Variants in BCAS3 observed in about 807,000 individuals in gnomAD.
BCAS3 encodes the protein BCAS4/BCAS3 fusion.
In BCAS3, 53 loss-of-function variants were observed where a neutral mutation model predicts 116.1. The observed-to-expected ratio is 0.46, with a 90% CI of 0.37 to 0.57. The LOEUF (loss-of-function observed/expected upper bound fraction) is 0.57, where lower values mean the gene tolerates loss of function less well. BCAS3 is among the 20% of genes least tolerant of loss of function. The pLI, the probability that BCAS3 is intolerant of heterozygous loss-of-function variation, is 0.00. For synonymous variants in BCAS3, 391 were observed against 408.2 expected (o/e 0.96, Z 0.51); for missense variants, 917 against 1,165.4 (o/e 0.79, Z 3.10).
At chr17:61,080,061 C>T (rs1047072697) in intron 21 of BCAS3, among the ~76,000 whole-genome samples, 21 of 151,112 alleles carry the variant, frequency 1.4e-4, no homozygotes, top group Admixed American at 1.2e-3. Flanking sequence ...TGTGGCACCA[C>T]GCCTCCCTAG....
intron 23 of BCAS3, among the ~76,000 whole-genome samples, chr17:61,385,549 G>C (rs758954383): frequency 1.3e-5 from 2 of 152,292 alleles, no homozygotes; most frequent in Non-Finnish European, 2.9e-5. Context: ...CCCCTACTAC[G>C]TACCTCACTG....
At position 61,313,178 on chromosome 17, in the gene BCAS3, G is replaced by T. The variant is rs2054459662; in HGVS notation, c.2426-55149G>T. On this transcript the variant is annotated intron_variant, in intron 22 of 23. Transcript: ENST00000407086. This position sits in a 1 kb window ranked among gnomAD's most constrained non-coding sequence, Gnocchi z 4.3. ...TTTGGATTCATGGCAATTACTGCCAGGTAGAGAAAGCGAATGCTGTTATTT... is the reference window on the plus strand; with the variant it reads ...TTTGGATTCATGGCAATTACTGCCATGTAGAGAAAGCGAATGCTGTTATTT... Among the ~76,000 whole-genome samples the T allele has an allele frequency of 6.6e-6, 1 of 152,194 alleles. No individual in the cohort carries two copies. The highest frequency in any genetic ancestry group is 1.5e-5 in the Non-Finnish European group (1 of 68,038).
intron 14 of BCAS3, among the ~76,000 whole-genome samples, chr17:60,951,336 A>T (rs537218226): frequency 6.6e-6 from 1 of 152,092 alleles, no homozygotes. Context: ...TTTTATTTTG[A>T]CTTCATTGTT....
At position 61,023,943 on chromosome 17, in the gene BCAS3, C is replaced by T. The variant is rs965485010; in HGVS notation, c.1637+8042C>T. Among the ~76,000 whole-genome samples, 2 of 152,014 alleles carry T rather than the reference C, an allele frequency of 1.3e-5. No individual in the cohort carries two copies. The highest frequency in any genetic ancestry group is 4.8e-5 in the African/African-American group (2 of 41,388). ...TGGTGATTGGAAAACACCAATTATT[C>T]GAGTTTGAATATAGTAATTTGGGTT... On this transcript the variant is annotated intron_variant, in intron 16 of 23. Coordinates refer to ENST00000407086, the MANE Select transcript of BCAS3 (RefSeq NM_017679.5). The surrounding 1 kb of genome is among the most constrained non-coding windows in gnomAD (Gnocchi z 4.8).
intron 6 of BCAS3, among the ~76,000 whole-genome samples, chr17:60,758,524 G>GCTCC (rs2043207889): frequency 6.6e-6 from 1 of 152,026 alleles, no homozygotes; most frequent in African/African-American, 2.4e-5. Flanking sequence ...GGGATTACAG[G>GCTCC]CTCCCACCAC....
intron 12 of BCAS3, among the ~76,000 whole-genome samples, chr17:60,923,284 A>T (rs2059200282): frequency 6.6e-6 from 1 of 152,242 alleles, no homozygotes; most frequent in Non-Finnish European, 1.5e-5. Flanking sequence ...GATATTGTAT[A>T]GCATGATTGA....
intron 13 of BCAS3, among the ~76,000 whole-genome samples, chr17:60,933,166 CAAAAA>C (rs1454365250): frequency 7.1e-6 from 1 of 141,666 alleles, no homozygotes; most frequent in Non-Finnish European, 1.5e-5. Context: ...GACTCCGTCT[CAAAAA>C]GAAAAAAAAA....
chr17:61,015,997 G>A (rs2065427996), intron 16 of BCAS3, 96 bp downstream of exon 16: 1 of 1,301,280 alleles, frequency 7.7e-7, no homozygotes, highest in Non-Finnish European at 1.1e-6. Context: ...TTTTTATTAT[G>A]TTCTTCATTT....
intron 15 of BCAS3, among the ~76,000 whole-genome samples, chr17:60,997,951 T>C (rs1409354705): frequency 6.6e-6 from 1 of 152,176 alleles, no homozygotes; most frequent in African/African-American, 2.4e-5. Context: ...GTCACCCACA[T>C]AGTGAACATA....
intron 5 of BCAS3, among the ~76,000 whole-genome samples, chr17:60,714,560 G>GGA (rs2038334769): frequency 6.6e-6 from 1 of 152,118 alleles, no homozygotes; most frequent in African/African-American, 2.4e-5. Context: ...GGCTGAGGCA[G>GGA]GAGAATTGCT....
chr17:60,891,595 G>A (rs1336303174), intron 10 of BCAS3: 6 of 435,104 alleles, frequency 1.4e-5, no homozygotes, highest in Non-Finnish European at 1.8e-5. Context: ...AAATTTTGGG[G>A]TACCAGTCTC....
intron 6 of BCAS3, among the ~76,000 whole-genome samples, chr17:60,761,651 T>A (rs372213032): frequency 3.3e-5 from 5 of 152,306 alleles, no homozygotes; most frequent in African/African-American, 9.6e-5. Flanking sequence ...TTGTGAGTAG[T>A]GCCGCAATAA....
chr17:60,955,545 A>AT (rs977738795), intron 14 of BCAS3, among the ~76,000 whole-genome samples: 15 of 150,636 alleles, frequency 1.0e-4, no homozygotes, highest in Non-Finnish European at 1.8e-4. Flanking sequence ...AGCCCAGCTA[A>AT]TTTTTTTTTG....
intron 7 of BCAS3, among the ~76,000 whole-genome samples, chr17:60,856,408 G>T (rs892989358): frequency 6.6e-6 from 1 of 152,102 alleles, no homozygotes; most frequent in African/African-American, 2.4e-5. Flanking sequence ...ATAGATGGAG[G>T]CTGGGTGTGG....
At chr17:60,686,158 G>A (rs2034008336) in intron 3 of BCAS3, among the ~76,000 whole-genome samples, 1 of 152,116 alleles carries the variant, frequency 6.6e-6, no homozygotes, top group Admixed American at 6.6e-5. Context: ...GTGAGCCACC[G>A]CACCCGGCCT....
At chr17:60,959,348 A>G (rs1202550333) in intron 14 of BCAS3, among the ~76,000 whole-genome samples, 2 of 151,992 alleles carry the variant, frequency 1.3e-5, no homozygotes, top group Non-Finnish European at 2.9e-5. Flanking sequence ...TGCTTTGCAA[A>G]ATTTTCTATT....
At chr17:61,133,380 G>A (rs984035229) in intron 22 of BCAS3, among the ~76,000 whole-genome samples, 2 of 152,116 alleles carry the variant, frequency 1.3e-5, no homozygotes, top group Admixed American at 6.5e-5. Flanking sequence ...TCTGAGTTAG[G>A]CTAACTGATG....
At position 61,364,279 on chromosome 17, in the gene BCAS3, C is replaced by T. The variant is rs1054362744; in HGVS notation, c.2426-4048C>T. On this transcript the variant is annotated intron_variant, in intron 22 of 23. Coordinates refer to ENST00000407086, the MANE Select transcript of BCAS3 (RefSeq NM_017679.5). This position sits in a 1 kb window ranked among gnomAD's most constrained non-coding sequence, Gnocchi z 5.4. ...ATTGTGTTTCTCCTGTGTGCCATCC[C>T]GTAAACATGGTGACTCATCGTCACC... 3.9e-5 allele frequency among the ~76,000 whole-genome samples: 6 copies of T among 152,180 alleles called. No individual in the cohort carries two copies. The highest frequency in any genetic ancestry group is 5.9e-5 in the Non-Finnish European group (4 of 68,040).
At chr17:60,874,353 T>A (rs1462764922) in intron 8 of BCAS3, among the ~76,000 whole-genome samples, 1 of 152,252 alleles carries the variant, frequency 6.6e-6, no homozygotes, top group African/African-American at 2.4e-5. Context: ...ATTGTAGGCA[T>A]GAGCCACCAT....
Sources: allele counts gnomAD v4.1 joint callset (sites outside exome capture counted in the v4.1 genomes callset), GRCh38; gene constraint gnomAD v4.1.1; non-coding constraint Gnocchi (gnomAD v3.1); transcripts MANE v1.5; gene names NCBI Gene and HGNC (gene_info 2026-07-23, HGNC 2026-07-21).